Variants in TENM3 observed in about 807,000 individuals in gnomAD.
TENM3 encodes teneurin transmembrane protein 3, also known as teneurin-3.
A neutral mutation model predicts 255.1 loss-of-function variants in TENM3; 63 were observed. The observed-to-expected ratio is 0.25, with a 90% CI of 0.20 to 0.30. The LOEUF (loss-of-function observed/expected upper bound fraction) is 0.30, where lower values mean the gene tolerates loss of function less well. TENM3 is among the 10% of genes least tolerant of loss of function. TENM3 has a pLI of 1.00. For synonymous variants in TENM3, 1,306 were observed against 1,322.3 expected, an observed-to-expected ratio of 0.99 and a Z score of 0.27; for missense variants, 2,929 against 3,461.1, an observed-to-expected ratio of 0.85 and a Z score of 3.86.
chr4:182,123,137 C>T, the TENM3 span, among the ~76,000 whole-genome samples: 1 of 152,168 alleles, frequency 6.6e-6, no homozygotes, highest in Admixed American at 6.6e-5. Flanking sequence ...AAGGGAATTT[C>T]ATGGCTGTTT....
chr4:181,960,320 C>CT, the TENM3 span, among the ~76,000 whole-genome samples: 10 of 151,884 alleles, frequency 6.6e-5, no homozygotes, highest in Non-Finnish European at 1.3e-4. Flanking sequence ...AATAATAGGA[C>CT]TTTTTTTTCT....
At chr4:182,255,639 G>A (rs973124554) in intron 1 of TENM3, among the ~76,000 whole-genome samples, 3 of 152,198 alleles carry the variant, frequency 2.0e-5, no homozygotes, top group African/African-American at 7.2e-5. Flanking sequence ...AGATGGCAGT[G>A]TGTGTGTCCC....
the TENM3 span, among the ~76,000 whole-genome samples, chr4:181,461,953 A>C: frequency 9.9e-4 from 150 of 152,244 alleles, 3 homozygotes; most frequent in South Asian, 0.03. Flanking sequence ...TGAATTTTAC[A>C]TTTTTGGATT....
intron 1 of TENM3, among the ~76,000 whole-genome samples, chr4:182,259,578 GC>G (rs1758649372): frequency 6.6e-6 from 1 of 152,110 alleles, no homozygotes; most frequent in Non-Finnish European, 1.5e-5. Flanking sequence ...CTCCCAAAGT[GC>G]TGGGAACAGG....
chr4:182,133,893 C>T, the TENM3 span, among the ~76,000 whole-genome samples: 1 of 152,176 alleles, frequency 6.6e-6, no homozygotes, highest in Non-Finnish European at 1.5e-5. Context: ...ATTTCTCAAA[C>T]TTCCCTTTGA....
Position 182,603,784 on chromosome 4 carries a change from T to G in TENM3, c.749+2623T>G, listed in dbSNP as rs111490826. Among the ~76,000 whole-genome samples the G allele has an allele frequency of 2.9e-3, 383 of 133,940 alleles. 3 individuals carry two copies. Among genetic ancestry groups the G allele is most frequent in the Admixed American group, 5.5e-3 (72 of 13,154 alleles). The allele number at this position is 133,940 out of a possible 152,430, so 87.9% of individuals were successfully genotyped here. On this transcript the variant is annotated intron_variant, in intron 4 of 27. Coordinates refer to ENST00000511685, the MANE Select transcript of TENM3 (RefSeq NM_001080477.4). Reference sequence around the variant, plus strand: ...AATTATTTATATATATATATATATATACACACACACACCGATTTTGCTAAT... The same window carrying G: ...AATTATTTATATATATATATATATAGACACACACACACCGATTTTGCTAAT...
chr4:181,605,478 CAG>C, the TENM3 span, among the ~76,000 whole-genome samples: 165 of 72,836 alleles, frequency 2.3e-3, 3 homozygotes, highest in South Asian at 8.7e-3. Context: ...GAGAGAGAAA[CAG>C]AGAAAGAAAG....
chr4:181,482,435 C>A, the TENM3 span, among the ~76,000 whole-genome samples: 1 of 152,078 alleles, frequency 6.6e-6, no homozygotes, highest in Non-Finnish European at 1.5e-5. Context: ...TGCTCATTTT[C>A]ATCATTGAAA....
intron 7 of TENM3, among the ~76,000 whole-genome samples, chr4:182,677,875 T>A (rs183718147): frequency 1.3e-5 from 2 of 152,266 alleles, no homozygotes; most frequent in Admixed American, 1.3e-4. Context: ...GGCAATATAT[T>A]TAACTGTGAT....
the TENM3 span, among the ~76,000 whole-genome samples, chr4:181,728,280 G>A: frequency 6.6e-6 from 1 of 152,180 alleles, no homozygotes; most frequent in Non-Finnish European, 1.5e-5. Flanking sequence ...AGGGTTCTAG[G>A]ATCTCGCACA....
the TENM3 span, among the ~76,000 whole-genome samples, chr4:182,008,004 A>T: frequency 2.0e-5 from 3 of 152,140 alleles, no homozygotes; most frequent in African/African-American, 7.2e-5. Flanking sequence ...CTGGATATGA[A>T]ATTCTGGGTT....
the TENM3 span, among the ~76,000 whole-genome samples, chr4:181,503,944 C>T: frequency 6.6e-6 from 1 of 152,170 alleles, no homozygotes; most frequent in Non-Finnish European, 1.5e-5. Flanking sequence ...GTGTAGTATG[C>T]TGTTTATTTC....
At chr4:182,532,042 C>T (rs1024494429) in intron 3 of TENM3, among the ~76,000 whole-genome samples, 2 of 152,168 alleles carry the variant, frequency 1.3e-5, no homozygotes, top group African/African-American at 4.8e-5. Context: ...AAGGAAAATA[C>T]AAGCATAGTT....
chr4:182,338,957 A>G (rs1349177870), intron 2 of TENM3, among the ~76,000 whole-genome samples: 2 of 152,200 alleles, frequency 1.3e-5, no homozygotes, highest in Admixed American at 6.5e-5. Context: ...TTCAAAAGAA[A>G]TATGACCATA....
At chr4:182,608,412 G>A (rs1416867497) in intron 4 of TENM3, among the ~76,000 whole-genome samples, 2 of 152,064 alleles carry the variant, frequency 1.3e-5, no homozygotes, top group African/African-American at 4.8e-5. Context: ...GTGTGGCATG[G>A]TGCCCAGATA....
chr4:181,803,780 A>C, the TENM3 span, among the ~76,000 whole-genome samples: 1 of 151,780 alleles, frequency 6.6e-6, no homozygotes, highest in African/African-American at 2.4e-5. Flanking sequence ...ATTAAAAATG[A>C]AAAAAATTAG....
the TENM3 span, among the ~76,000 whole-genome samples, chr4:181,756,977 C>T: frequency 6.6e-6 from 1 of 152,102 alleles, no homozygotes; most frequent in Non-Finnish European, 1.5e-5. Context: ...GTGGCGATCA[C>T]AGGCAATCCA....
At chr4:181,878,256 G>A in the TENM3 span, among the ~76,000 whole-genome samples, 2 of 151,746 alleles carry the variant, frequency 1.3e-5, no homozygotes, top group Admixed American at 6.6e-5. Flanking sequence ...GGATAGGTAG[G>A]TATGTATATA....
chr4:181,953,142 C>G, the TENM3 span, among the ~76,000 whole-genome samples: 1 of 152,042 alleles, frequency 6.6e-6, no homozygotes, highest in African/African-American at 2.4e-5. Flanking sequence ...GTGTATTTAC[C>G]AATTGCTAAG....
Sources: gnomAD v4.1 joint callset for allele counts (sites outside exome capture counted in the v4.1 genomes callset) on GRCh38, gnomAD v4.1.1 for gene constraint, MANE v1.5 for transcripts, NCBI Gene and HGNC (gene_info 2026-07-23, HGNC 2026-07-21) for gene names.